Variants in CUX1 observed in about 807,000 individuals in gnomAD.
CUX1 encodes cut like homeobox 1.
A neutral mutation model predicts 158.8 loss-of-function variants in CUX1; 31 were observed. The observed-to-expected ratio is 0.20, with a 90% CI of 0.15 to 0.26. CUX1 has a LOEUF of 0.26. CUX1 is among the 10% of genes least tolerant of loss of function. The pLI, the probability that CUX1 is intolerant of heterozygous loss-of-function variation, is 1.00. For synonymous variants in CUX1, 879 were observed against 862.1 expected, an observed-to-expected ratio of 1.02 and a Z score of -0.34; for missense variants, 1,589 against 2,014.6, an observed-to-expected ratio of 0.79 and a Z score of 4.04.
chr7:101,924,048 C>A (rs1305843185), intron 2 of CUX1, among the ~76,000 whole-genome samples: 1 of 152,188 alleles, frequency 6.6e-6, no homozygotes, highest in African/African-American at 2.4e-5. Flanking sequence ...GGATTCCTTC[C>A]CGACCCTGGC....
At chr7:102,154,853 C>G (rs1268074560) in intron 8 of CUX1, among the ~76,000 whole-genome samples, 1 of 152,198 alleles carries the variant, frequency 6.6e-6, no homozygotes, top group East Asian at 1.9e-4. Context: ...CACACTGGAG[C>G]CATTAGGAAA....
chr7:102,216,840 C>T (rs1797268496), intron 20 of CUX1, among the ~76,000 whole-genome samples: 1 of 144,316 alleles, frequency 6.9e-6, no homozygotes, highest in Non-Finnish European at 1.5e-5. Flanking sequence ...CACACACACA[C>T]ATTCTCTCTC....
rs1049283867 is a variant in CUX1, at chr7:102,252,622, G to A, written c.*3580G>A. 1.7e-5 allele frequency: 17 copies of A among 985,256 alleles called. No homozygotes were observed. The Admixed American group carries it at 1.8e-4, about 11-fold the overall frequency. The allele number at this position is 985,256 out of a possible 1,614,324, so 61.0% of individuals were successfully genotyped here. On this transcript the variant is annotated 3_prime_UTR_variant, in exon 24 of 24. Transcript: ENST00000292535. ...GTGTTTGCATTTAGCCTCTTGACCCGGAGTTCCGGCCCAAGCTCCCTTGTG... is the reference window on the plus strand; with the variant it reads ...GTGTTTGCATTTAGCCTCTTGACCCAGAGTTCCGGCCCAAGCTCCCTTGTG...
intron 10 of CUX1, among the ~76,000 whole-genome samples, chr7:102,171,106 A>G (rs1791669718): frequency 6.6e-6 from 1 of 152,164 alleles, no homozygotes; most frequent in African/African-American, 2.4e-5. Flanking sequence ...CTTAGCCCAA[A>G]CATTCCCAGC....
At chr7:102,271,484 C>G (rs2132793764) in intron 14 of CUX1, among the ~76,000 whole-genome samples, 1 of 152,340 alleles carries the variant, frequency 6.6e-6, no homozygotes, top group African/African-American at 2.4e-5. Context: ...TCCCACAGGC[C>G]AGGACCCAAG....
chr7:102,063,814 C>T (rs1825225943), intron 3 of CUX1, among the ~76,000 whole-genome samples: 1 of 152,222 alleles, frequency 6.6e-6, no homozygotes. Flanking sequence ...ATATTAAACA[C>T]CCACTGCGTG....
chr7:102,143,119 A>C (rs1554500920), intron 8 of CUX1, among the ~76,000 whole-genome samples: 3 of 152,158 alleles, frequency 2.0e-5, no homozygotes, highest in Non-Finnish European at 4.4e-5. Flanking sequence ...CTGCCGGCCC[A>C]CGATGTCAAC....
chr7:102,238,465 T>C (rs1346925248), intron 22 of CUX1, among the ~76,000 whole-genome samples: 1 of 152,230 alleles, frequency 6.6e-6, no homozygotes, highest in African/African-American at 2.4e-5. Context: ...GTTATGGTTA[T>C]AGAGCAAGGA....
chr7:102,168,504 A>T (rs1175059224), intron 9 of CUX1, among the ~76,000 whole-genome samples: 1 of 151,570 alleles, frequency 6.6e-6, no homozygotes, highest in Non-Finnish European at 1.5e-5. Flanking sequence ...AAAATTAGCC[A>T]GGCATGGTGG....
intron 1 of CUX1, among the ~76,000 whole-genome samples, chr7:101,907,022 A>C (rs976307401): frequency 6.6e-6 from 1 of 152,196 alleles, no homozygotes; most frequent in African/African-American, 2.4e-5. Context: ...TGTGGCCATC[A>C]TTCAGGATTT....
chr7:101,953,162 C>A (rs553259229), intron 2 of CUX1, among the ~76,000 whole-genome samples: 1 of 152,152 alleles, frequency 6.6e-6, no homozygotes, highest in South Asian at 2.1e-4. Context: ...GCCTCCCAGC[C>A]ATTTCCTCTT....
chr7:102,132,163 CGGGT>C (rs1554497391), intron 8 of CUX1, among the ~76,000 whole-genome samples: 1 of 131,362 alleles, frequency 7.6e-6, no homozygotes, highest in Non-Finnish European at 1.6e-5. Context: ...GATGGATGGG[CGGGT>C]GGATAGATGG....
chr7:101,966,744 C>T (rs772625752), intron 2 of CUX1, among the ~76,000 whole-genome samples: 1 of 152,080 alleles, frequency 6.6e-6, no homozygotes, highest in African/African-American at 2.4e-5. Flanking sequence ...TCTTGAGGGT[C>T]GTTACCCACG....
At chr7:102,064,012 G>A (rs1194322060) in intron 3 of CUX1, among the ~76,000 whole-genome samples, 1 of 152,160 alleles carries the variant, frequency 6.6e-6, no homozygotes, top group Non-Finnish European at 1.5e-5. Context: ...CCTGGGAGGC[G>A]CCTTCCAGGC....
chr7:102,151,377 AC>A (rs1282949759), intron 8 of CUX1, among the ~76,000 whole-genome samples: 6 of 151,606 alleles, frequency 4.0e-5, no homozygotes, highest in Non-Finnish European at 7.4e-5. Flanking sequence ...ACACGATAAA[AC>A]CCCGTCTCTA....
At position 102,256,702 on chromosome 7, in the gene CUX1, T is replaced by C. The variant is rs1789926397; in HGVS notation, c.*7660T>C. On this transcript the variant is annotated 3_prime_UTR_variant, in exon 24 of 24. Coordinates refer to ENST00000292535, the MANE Select transcript of CUX1 (RefSeq NM_181552.4). ...CAGAGGAATCTTAGCAAAGCCAAGT[T>C]CAGTTCCCCAAAGCCTCCTAGAGCC... is the stretch of plus-strand genomic sequence containing the variant. The C allele has an allele frequency of 1.0e-6, 1 of 985,328 alleles. No homozygotes were observed. Among genetic ancestry groups the C allele is most frequent in the Non-Finnish European group, 1.2e-6 (1 of 829,952 alleles). The allele number at this position is 985,328 out of a possible 1,614,324, so 61.0% of individuals were successfully genotyped here.
intron 4 of CUX1, among the ~76,000 whole-genome samples, chr7:102,078,073 T>G (rs927544618): frequency 9.2e-5 from 14 of 152,204 alleles, no homozygotes; most frequent in African/African-American, 2.4e-4. Context: ...GTAATGTTTT[T>G]GGGGGTTTTT....
intron 8 of CUX1, among the ~76,000 whole-genome samples, chr7:102,155,507 C>T (rs1554504968): frequency 6.6e-6 from 1 of 151,878 alleles, no homozygotes; most frequent in Non-Finnish European, 1.5e-5. Context: ...GATCACACCA[C>T]TGCACTCTAG....
chr7:102,243,647 T>TAATAATAATA (rs1563477742), intron 23 of CUX1, among the ~76,000 whole-genome samples: 1 of 143,958 alleles, frequency 6.9e-6, no homozygotes, highest in Non-Finnish European at 1.5e-5. Context: ...ATAATAATAA[T>TAATAATAATA]AATAATAATA....
Sources: allele counts gnomAD v4.1 joint callset (sites outside exome capture counted in the v4.1 genomes callset), GRCh38; gene constraint gnomAD v4.1.1; transcripts MANE v1.5; gene names NCBI Gene and HGNC (gene_info 2026-07-23, HGNC 2026-07-21).